The following NRXN1 variants were observed in gnomAD, a reference collection of about 807,000 sequenced individuals.
NRXN1 encodes the protein neurexin 1, also known as neurexin-1.
In NRXN1, 39 loss-of-function variants were observed where a neutral mutation model predicts 150.9. The observed-to-expected ratio is 0.26, with a 90% CI of 0.20 to 0.34. NRXN1 has a LOEUF of 0.34. Among genes scored for constraint, NRXN1 ranks in the 10% least tolerant of loss-of-function variants. NRXN1 has a pLI of 1.00. For synonymous variants in NRXN1, 924 were observed against 757.0 expected, an observed-to-expected ratio of 1.22 and a Z score of -3.62; for missense variants, 1,815 against 1,949.9, an observed-to-expected ratio of 0.93 and a Z score of 1.30.
At chr2:50,301,334 C>A (rs2074129929) in intron 17 of NRXN1, among the ~76,000 whole-genome samples, 1 of 152,130 alleles carries the variant, frequency 6.6e-6, no homozygotes. Flanking sequence ...TGTCTACAGA[C>A]ACAGAATTCA....
chr2:50,349,824 C>G (rs1173176670), intron 17 of NRXN1, among the ~76,000 whole-genome samples: 1 of 152,186 alleles, frequency 6.6e-6, no homozygotes, highest in Admixed American at 6.5e-5. Context: ...TGCCTTCCAT[C>G]TAAAAGATAC....
intron 5 of NRXN1, among the ~76,000 whole-genome samples, chr2:50,736,398 TTG>T (rs1698751970): frequency 6.6e-6 from 1 of 151,968 alleles, no homozygotes; most frequent in African/African-American, 2.4e-5. Context: ...AGATGCAATT[TTG>T]TGTGTGTTTG....
intron 2 of NRXN1, among the ~76,000 whole-genome samples, chr2:51,022,068 G>T (rs747307301): frequency 2.6e-5 from 4 of 152,100 alleles, no homozygotes; most frequent in East Asian, 3.9e-4. Flanking sequence ...GCAGGTAATG[G>T]ATCATTATTA....
chr2:51,004,916 A>T (rs1202010505), intron 2 of NRXN1, among the ~76,000 whole-genome samples: 2 of 152,010 alleles, frequency 1.3e-5, no homozygotes, highest in African/African-American at 2.4e-5. Context: ...TTAATTTTAG[A>T]CTATAGTAAA....
chr2:50,478,784 T>G (rs2090204357), intron 15 of NRXN1, among the ~76,000 whole-genome samples: 1 of 152,224 alleles, frequency 6.6e-6, no homozygotes, highest in Admixed American at 6.5e-5. Context: ...CTAGTCTACC[T>G]GCTCTCCAGA....
intron 18 of NRXN1, among the ~76,000 whole-genome samples, chr2:50,163,467 T>C (rs965467385): frequency 5.9e-5 from 9 of 152,140 alleles, no homozygotes; most frequent in Admixed American, 5.2e-4. Flanking sequence ...ATTTAAAGGT[T>C]ATCAAGGCTT....
At chr2:50,551,801 T>C (rs76603596) in intron 9 of NRXN1, among the ~76,000 whole-genome samples, 2,318 of 152,138 alleles carry the variant, frequency 0.015, 159 homozygotes, top group Admixed American at 0.11. Flanking sequence ...TCTCTCTCTC[T>C]TCCTCCCTCC....
At chr2:50,049,090 T>G (rs1347007730) in intron 21 of NRXN1, among the ~76,000 whole-genome samples, 1 of 152,174 alleles carries the variant, frequency 6.6e-6, no homozygotes, top group African/African-American at 2.4e-5. Flanking sequence ...TTATGAAGTA[T>G]GCTTTTCTTG....
chr2:50,224,123 T>C (rs2064137748), intron 18 of NRXN1, among the ~76,000 whole-genome samples: 1 of 151,988 alleles, frequency 6.6e-6, no homozygotes, highest in Admixed American at 6.6e-5. Context: ...TTAAGGAATA[T>C]CATAAAATAA....
chr2:50,651,348 C>T (rs1230910782), intron 5 of NRXN1, among the ~76,000 whole-genome samples: 1 of 151,922 alleles, frequency 6.6e-6, no homozygotes, highest in Non-Finnish European at 1.5e-5. Context: ...CATGGTGGCT[C>T]ACACCTGTAA....
At chr2:50,206,764 T>C (rs2152839376) in intron 18 of NRXN1, among the ~76,000 whole-genome samples, 1 of 151,570 alleles carries the variant, frequency 6.6e-6, no homozygotes, top group South Asian at 2.1e-4. Flanking sequence ...CAAAGCAAAG[T>C]TATATATAAC....
chr2:50,214,612 G>A (rs567097148), intron 18 of NRXN1, among the ~76,000 whole-genome samples: 13 of 152,012 alleles, frequency 8.6e-5, no homozygotes, highest in Middle Eastern at 3.4e-3. Flanking sequence ...AATATAGTCT[G>A]TATTCTAGCT....
chr2:50,722,006 A>C (rs1470605965), intron 5 of NRXN1, among the ~76,000 whole-genome samples: 1 of 152,100 alleles, frequency 6.6e-6, no homozygotes, highest in Non-Finnish European at 1.5e-5. Flanking sequence ...AGAAGAGAAA[A>C]ATGTCTGAAT....
intron 21 of NRXN1, among the ~76,000 whole-genome samples, chr2:49,948,919 C>A (rs183626004): frequency 7.3e-4 from 111 of 151,976 alleles, no homozygotes; most frequent in Non-Finnish European, 1.3e-3. Flanking sequence ...ATTTAACCAC[C>A]CACAGGTGAA....
At chr2:50,612,629 C>T (rs1678377817) in intron 8 of NRXN1, among the ~76,000 whole-genome samples, 1 of 152,184 alleles carries the variant, frequency 6.6e-6, no homozygotes, top group Admixed American at 6.5e-5. Context: ...TCAGCAAAAG[C>T]TCCTACTTTT....
Position 50,349,196 on chromosome 2 carries a change from G to T in NRXN1, c.3365-112226C>A, listed in dbSNP as rs924507690. Among the ~76,000 whole-genome samples, 4 of 152,082 alleles carry T rather than the reference G, an allele frequency of 2.6e-5. No individual in the cohort carries two copies. The East Asian group carries it at 7.7e-4, about 29-fold the overall frequency. On this transcript the variant is annotated intron_variant, in intron 17 of 22. Coordinates refer to ENST00000401669, the MANE Select transcript of NRXN1 (RefSeq NM_001330078.2). ...ATAATTCTTCAGTAGTATATTGATT[G>T]AAACAGTTCAGCCTTGCTAAACATG...
chr2:50,764,370 C>T (rs1160610760), intron 5 of NRXN1, among the ~76,000 whole-genome samples: 3 of 152,022 alleles, frequency 2.0e-5, no homozygotes, highest in Non-Finnish European at 4.4e-5. Flanking sequence ...ACCAATAATA[C>T]ATGACATCTA....
intron 17 of NRXN1, among the ~76,000 whole-genome samples, chr2:50,438,276 G>C (rs2085626351): frequency 1.3e-5 from 2 of 152,198 alleles, no homozygotes; most frequent in African/African-American, 4.8e-5. Context: ...CAATTTGCCT[G>C]ATTTGCATGT....
At chr2:49,955,585 A>G (rs146924002) in intron 21 of NRXN1, among the ~76,000 whole-genome samples, 6 of 148,782 alleles carry the variant, frequency 4.0e-5, no homozygotes, top group South Asian at 2.2e-4. Flanking sequence ...AGGGACTGAG[A>G]AAAACATAGT....
Sources: allele counts gnomAD v4.1 joint callset (sites outside exome capture counted in the v4.1 genomes callset), GRCh38; gene constraint gnomAD v4.1.1; transcripts MANE v1.5; gene names NCBI Gene and HGNC (gene_info 2026-07-23, HGNC 2026-07-21).